The following AMN1 variants were observed in gnomAD, a reference collection of about 807,000 sequenced individuals.
AMN1 encodes protein AMN1 homolog.
A neutral mutation model predicts 33.0 loss-of-function variants in AMN1; 20 were observed. The observed-to-expected ratio is 0.61, with a 90% CI of 0.43 to 0.88. The LOEUF (loss-of-function observed/expected upper bound fraction) is 0.88, where lower values mean the gene tolerates loss of function less well. AMN1 is among the 40% of genes least tolerant of loss of function. AMN1 has a pLI of 0.00. For synonymous variants in AMN1, 114 were observed against 111.9 expected (o/e 1.02, Z -0.12); for missense variants, 246 against 307.4 (o/e 0.80, Z 1.49).
At chr12:31,700,650 G>A (rs112175166) in intron 3 of AMN1, among the ~76,000 whole-genome samples, 286 of 151,640 alleles carry the variant, frequency 1.9e-3, no homozygotes, top group African/African-American at 6.7e-3. Flanking sequence ...AAATACAGAC[G>A]TATGTATCCA....
intron 1 of AMN1, among the ~76,000 whole-genome samples, chr12:31,712,434 G>A (rs894714192): frequency 6.6e-6 from 1 of 151,996 alleles, no homozygotes; most frequent in African/African-American, 2.4e-5. Flanking sequence ...TCTTAGTAGA[G>A]ACAGGGTTTC....
chr12:31,711,834 TA>T (rs1208482789), intron 1 of AMN1, among the ~76,000 whole-genome samples: 2 of 152,190 alleles, frequency 1.3e-5, no homozygotes, highest in East Asian at 1.9e-4. Context: ...TTATACCCAT[TA>T]ATCAACCTCT....
intron 6 of AMN1, among the ~76,000 whole-genome samples, chr12:31,684,133 T>C (rs963978792): frequency 1.6e-4 from 25 of 152,190 alleles, no homozygotes; most frequent in African/African-American, 6.0e-4. Context: ...AATCATGCAT[T>C]GGTAAAGATC....
intron 1 of AMN1, among the ~76,000 whole-genome samples, chr12:31,728,504 G>A (rs1484182628): frequency 6.6e-6 from 1 of 152,206 alleles, no homozygotes; most frequent in African/African-American, 2.4e-5. Flanking sequence ...AGAGCCGGGG[G>A]CTGAACCCAG....
intron 6 of AMN1, among the ~76,000 whole-genome samples, chr12:31,674,138 G>C (rs781429579): frequency 8.5e-5 from 13 of 152,118 alleles, no homozygotes; most frequent in Non-Finnish European, 1.9e-4. Context: ...GCTGGGTGCG[G>C]TGGCTCACGC....
intron 3 of AMN1, among the ~76,000 whole-genome samples, chr12:31,698,252 G>A (rs958820146): frequency 1.3e-5 from 2 of 152,212 alleles, no homozygotes; most frequent in South Asian, 2.1e-4. Flanking sequence ...AACCCAATTA[G>A]ATAGTGAAAT....
At position 31,714,875 on chromosome 12, in the gene AMN1, T is replaced by A. The variant is rs986136380; in HGVS notation, c.39-5450A>T. ...TATAAACTAGGAGGATCTTTTTAAC[T>A]TATTACCTGAACAGAAAGAAGTCAC... On this transcript the variant is annotated intron_variant, in intron 1 of 6. Transcript: ENST00000281471. 4 of 976,756 alleles carry A rather than the reference T, an allele frequency of 4.1e-6. No homozygotes were observed. The African/African-American group carries it at 5.3e-5, about 13-fold the overall frequency. 60.5% of individuals were successfully genotyped at this position (976,756 alleles called of 1,614,324 possible). A position where few individuals can be genotyped will look rare whatever the true frequency, so the allele number is the denominator to read the frequency against.
At chr12:31,697,254 TA>T in intron 5 of AMN1, 106 bp downstream of exon 5, 1 of 920,468 alleles carries the variant, frequency 1.1e-6, no homozygotes, top group Non-Finnish European at 1.6e-6. Flanking sequence ...ACAAAGTCCC[TA>T]AAATACGTAA....
At chr12:31,712,695 T>C (rs767845346) in intron 1 of AMN1, among the ~76,000 whole-genome samples, 1 of 151,906 alleles carries the variant, frequency 6.6e-6, no homozygotes, top group Non-Finnish European at 1.5e-5. Context: ...CTTGCTCTGT[T>C]GCCAGGCTGG....
At chr12:31,729,107 T>C, upstream of AMN1, 2 of 1,335,052 alleles carry the variant, frequency 1.5e-6, no homozygotes, top group South Asian at 2.9e-5. Context: ...GCGTAGGTTT[T>C]TGTGACGTCA....
At chr12:31,686,951 C>G (rs1938290539) in intron 6 of AMN1, among the ~76,000 whole-genome samples, 1 of 152,122 alleles carries the variant, frequency 6.6e-6, no homozygotes, top group African/African-American at 2.4e-5. Context: ...TTTTTTCCTA[C>G]TCTTGTTCCT....
chr12:31,698,182 G>T (rs910952495), intron 3 of AMN1, among the ~76,000 whole-genome samples: 2 of 152,140 alleles, frequency 1.3e-5, no homozygotes, highest in Admixed American at 6.5e-5. Flanking sequence ...TGCAATTAAT[G>T]GCAAGGCTTT....
At chr12:31,725,614 A>G (rs1940032116) in intron 1 of AMN1, among the ~76,000 whole-genome samples, 1 of 152,176 alleles carries the variant, frequency 6.6e-6, no homozygotes, top group Non-Finnish European at 1.5e-5. Flanking sequence ...TTTAAACTTA[A>G]CCATGGCTTC....
chr12:31,673,363 A>G (rs1245015912), intron 6 of AMN1, among the ~76,000 whole-genome samples: 1 of 152,184 alleles, frequency 6.6e-6, no homozygotes, highest in Non-Finnish European at 1.5e-5. Context: ...AGAGAACCAG[A>G]GAGTGTATAG....
At chr12:31,706,308 T>C (rs1383146308) in intron 2 of AMN1, among the ~76,000 whole-genome samples, 1 of 91,798 alleles carries the variant, frequency 1.1e-5, no homozygotes, top group Non-Finnish European at 2.0e-5. Context: ...CAAGACTCCG[T>C]CTCAAAAAAA....
intron 2 of AMN1, chr12:31,708,902 G>C (rs1001615427): frequency 3.1e-6 from 1 of 322,078 alleles, no homozygotes; most frequent in Non-Finnish European, 6.1e-6. Context: ...TGTGGGCCAG[G>C]CATGGTGGCT....
intron 1 of AMN1, among the ~76,000 whole-genome samples, chr12:31,711,628 A>C (rs1283069289): frequency 1.3e-5 from 2 of 152,110 alleles, no homozygotes; most frequent in Non-Finnish European, 2.9e-5. Context: ...GGTACATGTG[A>C]TAATTTGATA....
chr12:31,724,940 A>C (rs1215172588), intron 1 of AMN1, among the ~76,000 whole-genome samples: 2 of 152,236 alleles, frequency 1.3e-5, no homozygotes, highest in Non-Finnish European at 2.9e-5. Flanking sequence ...AAATTGATTA[A>C]ATTTGTCAAA....
intron 1 of AMN1, among the ~76,000 whole-genome samples, chr12:31,718,959 C>T (rs555562751): frequency 4.6e-5 from 7 of 152,368 alleles, no homozygotes; most frequent in Non-Finnish European, 7.3e-5. Context: ...GCTGCGCTAG[C>T]AGCGAGCAAG....
Sources: gnomAD v4.1 joint callset for allele counts (sites outside exome capture counted in the v4.1 genomes callset) on GRCh38, gnomAD v4.1.1 for gene constraint, MANE v1.5 for transcripts, NCBI Gene and HGNC (gene_info 2026-07-23, HGNC 2026-07-21) for gene names.